The following DACH1 variants were observed in gnomAD, a reference collection of about 807,000 sequenced individuals.
The protein encoded by DACH1 is dachshund family transcription factor 1, also known as dachshund homolog 1.
In DACH1, 12 loss-of-function variants were observed where a neutral mutation model predicts 54.2. The ratio of observed to expected loss-of-function variants is 0.22; its 90% CI spans 0.14 to 0.36. DACH1 has a LOEUF of 0.36. Among genes scored for constraint, DACH1 ranks in the 10% least tolerant of loss-of-function variants. The pLI, the probability that DACH1 is intolerant of heterozygous loss-of-function variation, is 1.00. For synonymous variants in DACH1, 386 were observed against 366.2 expected (o/e 1.05, Z -0.62); for missense variants, 805 against 929.8 (o/e 0.87, Z 1.75).
chr13:71,476,333 A>G (rs1178888350), intron 8 of DACH1, among the ~76,000 whole-genome samples: 1 of 152,194 alleles, frequency 6.6e-6, no homozygotes, highest in Non-Finnish European at 1.5e-5. Flanking sequence ...GCAATGTTAG[A>G]CCAACTCAGT....
chr13:71,634,576 T>G (rs934638422), intron 2 of DACH1, among the ~76,000 whole-genome samples: 1 of 152,194 alleles, frequency 6.6e-6, no homozygotes, highest in South Asian at 2.1e-4. Context: ...TTAAATATTA[T>G]GCGCTCAGAG....
chr13:71,807,908 C>T (rs1000477901), intron 1 of DACH1, among the ~76,000 whole-genome samples: 87 of 119,664 alleles, frequency 7.3e-4, no homozygotes, highest in Non-Finnish European at 1.6e-3. Context: ...GCAGCCTCTA[C>T]GATTACAGTT....
intron 1 of DACH1, among the ~76,000 whole-genome samples, chr13:71,831,900 T>C (rs879667190): frequency 6.6e-6 from 1 of 151,872 alleles, no homozygotes; most frequent in Non-Finnish European, 1.5e-5. Flanking sequence ...ACGACCATGC[T>C]CTCTTTATGG....
rs1466273199 is a variant in DACH1 at position 71,616,720 on chromosome 13, A to G, written c.1126+13836T>C. ...CACTGCACTCCAGCCTGAATGACAG[A>G]GTGAGATCCTGTCTCTAAAATGAAC... On this transcript the variant is annotated intron_variant, in intron 3 of 10. Transcript: ENST00000613252. Among the ~76,000 whole-genome samples, 7 of 152,184 alleles carry G rather than the reference A, an allele frequency of 4.6e-5. No individual in the cohort carries two copies. The East Asian group carries it at 1.2e-3, about 25-fold the overall frequency.
At chr13:71,504,606 T>G (rs1593800589) in intron 6 of DACH1, among the ~76,000 whole-genome samples, 3 of 152,070 alleles carry the variant, frequency 2.0e-5, no homozygotes, top group Admixed American at 2.0e-4. Context: ...TTGAGTGAAG[T>G]CTTGCAGACC....
At chr13:71,703,762 A>G (rs1882284447) in intron 1 of DACH1, among the ~76,000 whole-genome samples, 1 of 152,184 alleles carries the variant, frequency 6.6e-6, no homozygotes, top group African/African-American at 2.4e-5. Flanking sequence ...CTTCAAGTTA[A>G]TTCTGCATTC....
chr13:71,452,009 G>A (rs1182043984), intron 10 of DACH1, among the ~76,000 whole-genome samples: 1 of 152,158 alleles, frequency 6.6e-6, no homozygotes, highest in Non-Finnish European at 1.5e-5. Flanking sequence ...CAGAGAAAAT[G>A]CTAAAACACA....
Position 71,553,582 on chromosome 13 carries a change from T to A in DACH1, c.1570+3442A>T, listed in dbSNP as rs780953078. 4.6e-4 allele frequency among the ~76,000 whole-genome samples: 67 copies of A among 146,194 alleles called. 1 individual carries two copies. Among genetic ancestry groups the A allele is most frequent in the South Asian group, 2.6e-3 (12 of 4,670 alleles). The stretch of plus-strand genomic sequence containing the variant: ...ATATATAACATTTTGTTTTTGCATT[T>A]TGTATTTTTATATTTTTGTATTTTA... On this transcript the variant is annotated intron_variant, in intron 6 of 10. Coordinates refer to ENST00000613252, the MANE Select transcript of DACH1 (RefSeq NM_080759.6).
At chr13:71,652,564 C>G (rs955467710) in intron 2 of DACH1, among the ~76,000 whole-genome samples, 1 of 152,210 alleles carries the variant, frequency 6.6e-6, no homozygotes, top group South Asian at 2.1e-4. Flanking sequence ...TGCCAAGAAT[C>G]GTTCCCCTCC....
intron 1 of DACH1, among the ~76,000 whole-genome samples, chr13:71,791,515 G>C (rs1435580709): frequency 6.6e-6 from 1 of 152,056 alleles, no homozygotes; most frequent in Non-Finnish European, 1.5e-5. Context: ...CAAGTAGCTG[G>C]GCTTACAGGC....
chr13:71,731,330 C>T (rs1481434336), intron 1 of DACH1, among the ~76,000 whole-genome samples: 3 of 141,526 alleles, frequency 2.1e-5, no homozygotes, highest in South Asian at 2.2e-4. Context: ...CTCGCTCTGT[C>T]GCCCAGGCTG....
At chr13:71,580,472 A>G (rs1188628767) in intron 3 of DACH1, among the ~76,000 whole-genome samples, 2 of 152,152 alleles carry the variant, frequency 1.3e-5, no homozygotes, top group Non-Finnish European at 2.9e-5. Context: ...TAATGTTTTT[A>G]TGCTCATGTA....
At chr13:71,740,378 A>G (rs190227985) in intron 1 of DACH1, among the ~76,000 whole-genome samples, 3 of 152,326 alleles carry the variant, frequency 2.0e-5, no homozygotes, top group East Asian at 3.9e-4. Flanking sequence ...TTCTTTAAAA[A>G]GTATGTCCCT....
At position 71,450,938 on chromosome 13, in the gene DACH1, G is replaced by A. The variant is rs532522250; in HGVS notation, c.2084-10246C>T. 1.7e-4 allele frequency among the ~76,000 whole-genome samples: 26 copies of A among 152,174 alleles called. No homozygotes were observed. In the South Asian group the frequency reaches 4.8e-3, roughly 28 times the overall value. The stretch of plus-strand genomic sequence containing the variant: ...TACTCAAGGATCTGCCCCAAATGGG[G>A]TCGAAATCTGCATCCTGTGATTCTA... On this transcript the variant is annotated intron_variant, in intron 10 of 10. Transcript: ENST00000613252.
At chr13:71,697,206 G>A (rs2138739819) in intron 1 of DACH1, among the ~76,000 whole-genome samples, 1 of 152,250 alleles carries the variant, frequency 6.6e-6, no homozygotes, top group South Asian at 2.1e-4. Flanking sequence ...GAGGAGCAAT[G>A]TTTGGCACAA....
chr13:71,723,347 G>C (rs530559073), intron 1 of DACH1, among the ~76,000 whole-genome samples: 23 of 152,192 alleles, frequency 1.5e-4, no homozygotes, highest in African/African-American at 4.6e-4. Context: ...CCAGAAGGTT[G>C]AGGCTGCAGT....
chr13:71,547,680 A>G lies in DACH1; in HGVS notation c.1570+9344T>C, dbSNP rs543941469. 4.8e-4 allele frequency among the ~76,000 whole-genome samples: 73 copies of G among 152,234 alleles called. 1 individual carries two copies. The highest frequency in any genetic ancestry group is 9.6e-4 in the Non-Finnish European group (65 of 67,998). On this transcript the variant is annotated intron_variant, in intron 6 of 10. Transcript: ENST00000613252. Reference sequence around the variant, plus strand: ...CCCAGTTTTCTATAGCAGGTGGGCAATATCTCCTTTAAAATACCTTCAAAA... The same window carrying G: ...CCCAGTTTTCTATAGCAGGTGGGCAGTATCTCCTTTAAAATACCTTCAAAA...
At chr13:71,692,266 T>A (rs980864725) in intron 1 of DACH1, among the ~76,000 whole-genome samples, 1 of 152,070 alleles carries the variant, frequency 6.6e-6, no homozygotes, top group Non-Finnish European at 1.5e-5. Flanking sequence ...CTTGAAATAG[T>A]TTTCATTTCC....
intron 1 of DACH1, among the ~76,000 whole-genome samples, chr13:71,798,088 G>A (rs1344326057): frequency 6.6e-6 from 1 of 151,616 alleles, no homozygotes; most frequent in Non-Finnish European, 1.5e-5. Context: ...AACTTAGCCT[G>A]GTCAAAATTA....
Sources: allele counts gnomAD v4.1 joint callset (sites outside exome capture counted in the v4.1 genomes callset), GRCh38; gene constraint gnomAD v4.1.1; transcripts MANE v1.5; gene names NCBI Gene and HGNC (gene_info 2026-07-23, HGNC 2026-07-21).